Variants in IDUA observed in about 807,000 individuals in gnomAD.
IDUA encodes alpha-L-iduronidase, also known as iduronidase alpha-L-.
A neutral mutation model predicts 68.9 loss-of-function variants in IDUA; 65 were observed. That is an observed-to-expected ratio of 0.94 (90% confidence interval 0.77 to 1.16). The LOEUF is 1.16. Ranked by LOEUF, IDUA falls within the 50% of genes most tolerant of loss-of-function variation. IDUA has a pLI of 0.00. For synonymous variants in IDUA, 529 were observed against 433.6 expected (o/e 1.22, Z -2.73); for missense variants, 1,046 against 938.0 (o/e 1.12, Z -1.50).
chr4:1,001,962 T>C lies in IDUA; in HGVS notation c.793-20T>C. The C allele has an allele frequency of 1.3e-6, 2 of 1,574,990 alleles. No individual in the cohort carries two copies. Among genetic ancestry groups the C allele is most frequent in the Non-Finnish European group, 1.7e-6 (2 of 1,161,842 alleles). ...CGGGCCGCGCTGACCCTGGTGGTGC[T>C]GAGGCGGCCCCGCCCGCAGGGTGCG... is the stretch of plus-strand genomic sequence containing the variant. On this transcript the variant is annotated intron_variant, in intron 6 of 13. Coordinates refer to ENST00000514224, the MANE Select transcript of IDUA (RefSeq NM_000203.5).
In IDUA at chr4:991,338, G is replaced by A. The variant is rs754151903; in HGVS notation, c.299+3389G>A. On this transcript the variant is annotated intron_variant, in intron 2 of 13. Coordinates refer to ENST00000514224, the MANE Select transcript of IDUA (RefSeq NM_000203.5). The stretch of plus-strand genomic sequence containing the variant: ...GGCAAAGCAGGCTGAAGATGCCCAC[G>A]GAGACATGCCGTGAGGTGCCCATGA... 43 of 1,612,804 alleles carry A rather than the reference G, an allele frequency of 2.7e-5. No individual in the cohort carries two copies. Among genetic ancestry groups the A allele is most frequent in the South Asian group, 6.6e-5 (6 of 91,088 alleles).
At position 1,004,127 on chromosome 4, in the gene IDUA, C is replaced by A. The variant is rs374581052; in HGVS notation, c.1828+15C>A. On this transcript the variant is annotated intron_variant, in intron 13 of 13. Coordinates refer to ENST00000514224, the MANE Select transcript of IDUA (RefSeq NM_000203.5). The surrounding 1 kb of genome is among the most constrained non-coding windows in gnomAD (Gnocchi z 5.0). ...GTTCAGCCCAGGTGCGCCCACCACC[C>A]GCTGCCCTGGACTCGGCCACCCCAT... The A allele has an allele frequency of 1.2e-6, 2 of 1,612,220 alleles. No individual in the cohort carries two copies. The highest frequency in any genetic ancestry group is 1.7e-6 in the Non-Finnish European group (2 of 1,179,250).
chr4:987,271 C>A (rs1295144905), intron 1 of IDUA, 29 bp downstream of exon 1: 1 of 1,510,996 alleles, frequency 6.6e-7, no homozygotes, highest in East Asian at 2.6e-5. Context: ...CCGGGACCCC[C>A]TGGCCGCACG....
rs1171379194 is a variant in IDUA at position 1,003,466 on chromosome 4, G to T, written c.1646G>T (p.Gly549Val). The T allele has an allele frequency of 9.6e-6, 15 of 1,567,118 alleles. No individual in the cohort carries two copies. Among genetic ancestry groups the T allele is most frequent in the Non-Finnish European group, 1.2e-5 (14 of 1,163,284 alleles). The change falls in exon 11 of 14, where the codon GGG becomes GTG. Residue 549 changes from glycine to valine, a missense_variant. Gly to Val is a moderately radical substitution (Grantham distance 109). Transcript: ENST00000514224. Reference sequence around the variant, plus strand: ...TGTGCGCGCCCCGAGAAGCCGCCCGGGCAGGCAAGTGGCAGTCCCCTAACC... The same window carrying T: ...TGTGCGCGCCCCGAGAAGCCGCCCGTGCAGGCAAGTGGCAGTCCCCTAACC... ...HVCARPEKPP[G>V]QVTRLRALPL...
intron 2 of IDUA, chr4:988,879 G>A: frequency 6.3e-7 from 1 of 1,599,768 alleles, no homozygotes; most frequent in Non-Finnish European, 8.5e-7. Context: ...GCGGGCTCGT[G>A]CTGTCTGCAC....
In IDUA at chr4:1,001,566, G is replaced by T; in HGVS notation, c.589+3G>T. 1 of 1,613,020 alleles carries T rather than the reference G, an allele frequency of 6.2e-7. No individual in the cohort carries two copies. The highest frequency in any genetic ancestry group is 2.2e-5 in the East Asian group (1 of 44,886). On this transcript the variant is annotated splice_donor_region_variant and intron_variant, in intron 5 of 13. Coordinates refer to ENST00000514224, the MANE Select transcript of IDUA (RefSeq NM_000203.5). The stretch of plus-strand genomic sequence containing the variant: ...CAACGTCTCCATGACCATGCAAGGT[G>T]TGCACCGCTTCCTGGGGTCCTGCCC...
At position 1,002,052 on chromosome 4, in the gene IDUA, C is replaced by T. The variant is rs1238096554; in HGVS notation, c.863C>T (p.Pro288Leu). ...GCGCAGCAGATCCGGCAGCTCTTCC[C>T]CAAGTTCGCGGACACCCCCATTTAC... ...VVAQQIRQLF[P>L]KFADTPIYND... The change falls in exon 7 of 14, where the codon CCC (proline) becomes CTC (leucine). Residue 288 changes from proline to leucine, a missense_variant. Transcript: ENST00000514224. 1.3e-6 allele frequency: 2 copies of T among 1,597,192 alleles called. No individual in the cohort carries two copies.
chr4:1,001,612 A>G, intron 5 of IDUA, 49 bp downstream of exon 5: 1 of 1,608,994 alleles, frequency 6.2e-7, no homozygotes. Flanking sequence ...GGGCAGAGGA[A>G]GGCAGGAGCA....
intron 2 of IDUA, chr4:988,875 T>A: frequency 6.3e-7 from 1 of 1,598,806 alleles, no homozygotes; most frequent in South Asian, 1.1e-5. Flanking sequence ...TGTGGCGGGC[T>A]CGTGCTGTCT....
Position 1,003,707 on chromosome 4 carries a change from C to T in IDUA, c.1727+82C>T, listed in dbSNP as rs1479727444. The T allele has an allele frequency of 9.4e-6, 14 of 1,489,860 alleles. No homozygotes were observed. In the East Asian group the frequency reaches 1.8e-4, roughly 20 times the overall value. The allele number at this position is 1,489,860 out of a possible 1,614,324, so 92.3% of individuals were successfully genotyped here. On this transcript the variant is annotated intron_variant, in intron 12 of 13. Transcript: ENST00000514224. ...CGACCCCTTCACCCATGCGGTCACT[C>T]GGGCCACTTGCCGTGGCCCATCGGC... is the stretch of plus-strand genomic sequence containing the variant.
chr4:995,353 CA>C (rs57992789), intron 2 of IDUA, among the ~76,000 whole-genome samples: 2,772 of 138,052 alleles, frequency 0.02, 58 homozygotes, highest in African/African-American at 0.051. Flanking sequence ...AGTTCTGTCT[CA>C]AAAAAAAAAA....
chr4:988,120 G>C (rs1713892209), intron 2 of IDUA, 171 bp downstream of exon 2: 1 of 1,420,056 alleles, frequency 7.0e-7, no homozygotes, highest in Non-Finnish European at 9.2e-7. Context: ...CTGTGTGCTG[G>C]AGGGAGCCCC....
Position 987,152 on chromosome 4 carries a change from TG to T in IDUA, c.70del (p.Ala24ProfsTer84). ...GCCTCGCTCCTGGCCGCGCCCCCGG[TG>T]GCCCCGGCCGAGGCCCCGCACCTGG... ...LLASLLAAPP[V>X]APAEAPHLVH... On this transcript the variant is annotated frameshift_variant, in exon 1 of 14. Coordinates refer to ENST00000514224, the MANE Select transcript of IDUA (RefSeq NM_000203.5). LOFTEE classifies it high-confidence loss of function. 1 of 1,418,754 alleles carries T rather than the reference TG, an allele frequency of 7.0e-7. No homozygotes were observed. The highest frequency in any genetic ancestry group is 9.2e-7 in the Non-Finnish European group (1 of 1,092,218). 87.9% of individuals were successfully genotyped at this position (1,418,754 alleles called of 1,614,324 possible). A position where few individuals can be genotyped will look rare whatever the true frequency, so the allele number is the denominator to read the frequency against.
intron 2 of IDUA, among the ~76,000 whole-genome samples, chr4:994,729 A>T (rs915678317): frequency 6.6e-6 from 1 of 151,356 alleles, no homozygotes; most frequent in Non-Finnish European, 1.5e-5. Flanking sequence ...GAGCCACTGC[A>T]CCCGGCCGCC....
At chr4:1,003,960 A>T (rs938226762) in intron 12 of IDUA, 52 bp from the exon 13 acceptor site, 20 of 1,457,174 alleles carry the variant, frequency 1.4e-5, no homozygotes, top group Non-Finnish European at 1.8e-5. Context: ...GCCTGCTCCC[A>T]CCTTTGAGGA....
At chr4:1,000,843 G>A (rs1249359152) in intron 3 of IDUA, 39 bp from the exon 4 acceptor site, 1 of 1,554,924 alleles carries the variant, frequency 6.4e-7, no homozygotes, top group South Asian at 1.1e-5. Flanking sequence ...CATGGGTGTG[G>A]TGTGTGGTGG....
chr4:997,910 C>T (rs368737424), intron 2 of IDUA, among the ~76,000 whole-genome samples: 15 of 152,190 alleles, frequency 9.9e-5, no homozygotes, highest in Admixed American at 3.9e-4. Context: ...TGCTGGGGCT[C>T]CCCCCGCTAG....
chr4:990,234 C>T (rs1380885018), intron 2 of IDUA: 19 of 1,576,834 alleles, frequency 1.2e-5, no homozygotes, highest in Non-Finnish European at 1.6e-5. Flanking sequence ...GCCGCGGGAT[C>T]CGCACGCCCA....
intron 4 of IDUA, 184 bp downstream of exon 4, chr4:1,001,173 TG>T (rs1715049111): frequency 5.1e-6 from 3 of 593,202 alleles, no homozygotes; most frequent in Non-Finnish European, 3.0e-6. Context: ...GGCCCCAGGC[TG>T]GGGGGTACTC....
Sources: gnomAD v4.1 joint callset for allele counts (sites outside exome capture counted in the v4.1 genomes callset) on GRCh38, gnomAD v4.1.1 for gene constraint, Gnocchi (gnomAD v3.1) non-coding constraint, MANE v1.5 for transcripts, NCBI Gene and HGNC (gene_info 2026-07-23, HGNC 2026-07-21) for gene names.